Variants in TRIQK observed in about 807,000 individuals in gnomAD.
TRIQK encodes the protein triple QxxK/R motif containing.
Under a neutral mutation model 10.8 loss-of-function variants are expected in TRIQK, and 10 were observed. The ratio of observed to expected loss-of-function variants is 0.92; its 90% CI spans 0.57 to 1.57. TRIQK has a LOEUF of 1.57. Among genes scored for constraint, TRIQK ranks in the 40% most tolerant of loss-of-function variants. The pLI, the probability that TRIQK is intolerant of heterozygous loss-of-function variation, is 0.00. For missense variants in TRIQK, 107 were observed against 97.7 expected, an observed-to-expected ratio of 1.09 and a Z score of -0.40; for synonymous variants, 33 against 33.7, an observed-to-expected ratio of 0.98 and a Z score of 0.07.
intron 2 of TRIQK, among the ~76,000 whole-genome samples, chr8:92,921,066 T>A: frequency 6.6e-6 from 1 of 151,838 alleles, no homozygotes; most frequent in Admixed American, 6.6e-5. Context: ...ATGACTCCTG[T>A]GGCTGTTTTC....
intron 1 of TRIQK, among the ~76,000 whole-genome samples, chr8:92,971,678 C>G (rs117475597): frequency 1.8e-4 from 27 of 152,288 alleles, no homozygotes; most frequent in Non-Finnish European, 3.1e-4. Context: ...ATTCTCCATG[C>G]TCATGAATAG....
At chr8:92,980,799 A>G (rs1234664915) in intron 1 of TRIQK, among the ~76,000 whole-genome samples, 1 of 151,632 alleles carries the variant, frequency 6.6e-6, no homozygotes, top group Non-Finnish European at 1.5e-5. Context: ...TTTCATAATC[A>G]TATTTTCCAG....
At chr8:92,954,607 T>C (rs1028393960) in intron 1 of TRIQK, 43 bp from the exon 2 acceptor site, 6 of 151,936 alleles carry the variant, frequency 3.9e-5, no homozygotes, top group African/African-American at 1.4e-4. Flanking sequence ...AAATGGATGA[T>C]CTCCAGTTCC....
At chr8:92,935,236 A>C (rs537217823) in intron 2 of TRIQK, among the ~76,000 whole-genome samples, 88 of 151,890 alleles carry the variant, frequency 5.8e-4, no homozygotes, top group Non-Finnish European at 8.4e-4. Flanking sequence ...GAAAATACGA[A>C]AAATATACTT....
At chr8:92,943,177 A>T (rs184170013) in intron 2 of TRIQK, among the ~76,000 whole-genome samples, 1 of 152,302 alleles carries the variant, frequency 6.6e-6, no homozygotes, top group Admixed American at 6.5e-5. Context: ...AATTGAAGAC[A>T]TACATAAATG....
chr8:92,998,036 G>A (rs1813172055), intron 1 of TRIQK, among the ~76,000 whole-genome samples: 1 of 151,744 alleles, frequency 6.6e-6, no homozygotes, highest in African/African-American at 2.4e-5. Flanking sequence ...ATATATTTCT[G>A]TATGTATATG....
chr8:92,889,590 A>G (rs908842045), intron 4 of TRIQK, among the ~76,000 whole-genome samples: 1 of 151,634 alleles, frequency 6.6e-6, no homozygotes, highest in African/African-American at 2.4e-5. Flanking sequence ...AAGGCCGATG[A>G]CAAACACTGA....
At chr8:93,014,796 T>G (rs1182943652) in intron 1 of TRIQK, among the ~76,000 whole-genome samples, 1 of 152,036 alleles carries the variant, frequency 6.6e-6, no homozygotes, top group Non-Finnish European at 1.5e-5. Flanking sequence ...CTTTAGGTAA[T>G]TGCATTCAGC....
intron 3 of TRIQK, among the ~76,000 whole-genome samples, chr8:92,902,566 C>T (rs889175840): frequency 7.9e-5 from 12 of 152,114 alleles, no homozygotes; most frequent in Admixed American, 4.6e-4. Flanking sequence ...TTTTTTGCTT[C>T]TTATGAAGGT....
At chr8:92,894,147 T>C (rs969773100) in intron 3 of TRIQK, among the ~76,000 whole-genome samples, 2 of 152,112 alleles carry the variant, frequency 1.3e-5, no homozygotes, top group Non-Finnish European at 2.9e-5. Context: ...AAAGACAGTA[T>C]TAAAAGTTAT....
At chr8:92,891,880 A>T in intron 4 of TRIQK, 109 bp downstream of exon 4, 2 of 760,422 alleles carry the variant, frequency 2.6e-6, no homozygotes, top group Non-Finnish European at 2.0e-6. Context: ...TTCTATTTAG[A>T]TTGTGAAATG....
intron 2 of TRIQK, among the ~76,000 whole-genome samples, chr8:92,937,184 A>G (rs1328757918): frequency 6.6e-6 from 1 of 151,928 alleles, no homozygotes; most frequent in East Asian, 1.9e-4. Context: ...CATAAGTGAA[A>G]TATAAAGCAG....
At chr8:92,911,496 T>TA (rs1316375120) in intron 3 of TRIQK, among the ~76,000 whole-genome samples, 2 of 151,238 alleles carry the variant, frequency 1.3e-5, no homozygotes, top group African/African-American at 4.8e-5. Context: ...TCTCAATGGA[T>TA]AAAAAAAGGT....
intron 3 of TRIQK, among the ~76,000 whole-genome samples, chr8:92,906,580 T>C (rs181806467): frequency 1.2e-4 from 18 of 152,234 alleles, no homozygotes; most frequent in Non-Finnish European, 2.4e-4. Context: ...TCCTAGAATG[T>C]AACACTCATC....
intron 2 of TRIQK, among the ~76,000 whole-genome samples, chr8:92,928,340 G>A (rs1586440635): frequency 6.6e-6 from 1 of 152,144 alleles, no homozygotes; most frequent in African/African-American, 2.4e-5. Context: ...AGGTCAGCTG[G>A]CTAGAATTCA....
intron 2 of TRIQK, chr8:92,926,316 T>C (rs951709435): frequency 1.1e-4 from 16 of 152,022 alleles, no homozygotes; most frequent in African/African-American, 3.9e-4. Context: ...TGACCTCTAC[T>C]CCCTTGAAAA....
rs985962928 is a variant in TRIQK, at chr8:93,000,014, C to T, written c.-181+17595G>A. Among the ~76,000 whole-genome samples the T allele has an allele frequency of 5.3e-5, 8 of 152,214 alleles. 1 individual carries two copies. The South Asian group carries it at 8.3e-4, about 16-fold the overall frequency. On this transcript the variant is annotated intron_variant, in intron 1 of 4. Transcript: ENST00000520686. ...TTCTGAGCTCTACATATACTTTCAA[C>T]TTCCATCATGGTCTCTATATTTACT... is the stretch of plus-strand genomic sequence containing the variant.
At chr8:92,985,361 A>G (rs901566897) in intron 1 of TRIQK, among the ~76,000 whole-genome samples, 1 of 152,184 alleles carries the variant, frequency 6.6e-6, no homozygotes, top group African/African-American at 2.4e-5. Context: ...TCCTTTCCTC[A>G]TGAATTCCAT....
chr8:92,899,665 G>A (rs1808813801), intron 3 of TRIQK, among the ~76,000 whole-genome samples: 1 of 152,134 alleles, frequency 6.6e-6, no homozygotes, highest in African/African-American at 2.4e-5. Context: ...TGGACACTTA[G>A]GTTGCTTCTG....
Sources: gnomAD v4.1 joint callset for allele counts (sites outside exome capture counted in the v4.1 genomes callset) on GRCh38, gnomAD v4.1.1 for gene constraint, MANE v1.5 for transcripts, NCBI Gene and HGNC (gene_info 2026-07-23, HGNC 2026-07-21) for gene names.